The following UQCRC2 variants were observed in gnomAD, a reference collection of about 807,000 sequenced individuals.
UQCRC2 encodes the protein cytochrome b-c1 complex subunit 2, mitochondrial.
A neutral mutation model predicts 55.6 loss-of-function variants in UQCRC2; 49 were observed. That is an observed-to-expected ratio of 0.88 (90% CI 0.70 to 1.12). The LOEUF (loss-of-function observed/expected upper bound fraction) is 1.12. Among genes scored for constraint, UQCRC2 ranks in the 50% most tolerant of loss-of-function variants. The probability of loss-of-function intolerance (pLI) is 0.00; values close to 1 mark genes in which losing one functional copy is unlikely to be tolerated. For synonymous variants in UQCRC2, 193 were observed against 192.0 expected (o/e 1.01, Z -0.04); for missense variants, 506 against 547.8 (o/e 0.92, Z 0.76).
chr16:21,968,704 C>T lies in UQCRC2; in HGVS notation c.670+19C>T. 6.3e-7 allele frequency: 1 copy of T among 1,596,492 alleles called. No individual in the cohort carries two copies. Among genetic ancestry groups the T allele is most frequent in the Non-Finnish European group, 8.5e-7 (1 of 1,171,130 alleles). Reference sequence around the variant, plus strand: ...GGACTTGGTAAGTTTAGAGTATTGCCTGCCTGTCAGTTTGCTTCCTTAAGA... The same window carrying T: ...GGACTTGGTAAGTTTAGAGTATTGCTTGCCTGTCAGTTTGCTTCCTTAAGA... On this transcript the variant is annotated intron_variant, in intron 8 of 13. Transcript: ENST00000268379.
intron 7 of UQCRC2, among the ~76,000 whole-genome samples, chr16:21,966,113 A>C (rs1266588034): frequency 6.6e-6 from 1 of 151,500 alleles, no homozygotes; most frequent in Non-Finnish European, 1.5e-5. Context: ...CAGGAGTTCA[A>C]GACCAGCCTG....
At position 21,953,373 on chromosome 16, in the gene UQCRC2, C is replaced by T; in HGVS notation, c.-51C>T. 4 of 1,604,866 alleles carry T rather than the reference C, an allele frequency of 2.5e-6. No homozygotes were observed. The highest frequency in any genetic ancestry group is 3.4e-6 in the Non-Finnish European group (4 of 1,175,790). On this transcript the variant is annotated 5_prime_UTR_variant, in exon 1 of 14. Coordinates refer to ENST00000268379, the MANE Select transcript of UQCRC2 (RefSeq NM_003366.4). ...GGAAACTCCCGGCCTCCGCCACCATCTTGCTTTCCTTTAATCCGGCAGTGA... is the reference window on the plus strand; with the variant it reads ...GGAAACTCCCGGCCTCCGCCACCATTTTGCTTTCCTTTAATCCGGCAGTGA...
Position 21,953,364 on chromosome 16 carries a change from C to T in UQCRC2, c.-60C>T. ...GGAACGCTGGGAAACTCCCGGCCTC[C>T]GCCACCATCTTGCTTTCCTTTAATC... On this transcript the variant is annotated 5_prime_UTR_variant, in exon 1 of 14. Transcript: ENST00000268379. The T allele has an allele frequency of 2.5e-6, 4 of 1,594,566 alleles. No individual in the cohort carries two copies. Among genetic ancestry groups the T allele is most frequent in the Non-Finnish European group, 3.4e-6 (4 of 1,170,326 alleles).
intron 12 of UQCRC2, among the ~76,000 whole-genome samples, chr16:21,979,378 T>G (rs1472386933): frequency 6.6e-6 from 1 of 152,184 alleles, no homozygotes; most frequent in Non-Finnish European, 1.5e-5. Context: ...GGGGATACAT[T>G]CTGAGAAATG....
chr16:21,982,793 C>T (rs777925865), intron 13 of UQCRC2, among the ~76,000 whole-genome samples: 14 of 151,852 alleles, frequency 9.2e-5, no homozygotes, highest in South Asian at 2.1e-4. Context: ...GGCGAAATCC[C>T]GTCTCTACTA....
chr16:21,960,039 A>G (rs1190695701), intron 4 of UQCRC2, among the ~76,000 whole-genome samples: 1 of 152,202 alleles, frequency 6.6e-6, no homozygotes, highest in Non-Finnish European at 1.5e-5. Context: ...AGAATGGTAA[A>G]TGACCTCATC....
In UQCRC2 at chr16:21,971,815, T is replaced by C. The variant is rs2967156; in HGVS notation, c.767-108T>C. The stretch of plus-strand genomic sequence containing the variant: ...GGATGGCATGGGGAAAGCACCGAGC[T>C]GCAGAAAAGACTCGTGGGTTAATAC... On this transcript the variant is annotated intron_variant, in intron 9 of 13. Transcript: ENST00000268379. 1,496,974 of 1,498,788 alleles carry C rather than the reference T, an allele frequency of 1. 747,619 individuals are homozygous for C. Among genetic ancestry groups the C allele is most frequent in the Non-Finnish European group, 1 (1,091,600 of 1,091,890 alleles). 92.8% of individuals were successfully genotyped at this position (1,498,788 alleles called of 1,614,324 possible). A position where few individuals can be genotyped will look rare whatever the true frequency, so the allele number is the denominator to read the frequency against.
intron 1 of UQCRC2, among the ~76,000 whole-genome samples, chr16:21,955,657 G>A (rs1254214119): frequency 5.3e-5 from 8 of 152,142 alleles, no homozygotes; most frequent in Admixed American, 3.9e-4. Flanking sequence ...TTGAGAATCT[G>A]ATGTGGATGA....
At chr16:21,959,070 A>AG (rs1192833126) in intron 4 of UQCRC2, among the ~76,000 whole-genome samples, 1 of 152,196 alleles carries the variant, frequency 6.6e-6, no homozygotes, top group Non-Finnish European at 1.5e-5. Flanking sequence ...TTGCTGGTGG[A>AG]GGGTCTTGCC....
chr16:21,965,662 A>T, intron 7 of UQCRC2, 157 bp downstream of exon 7: 1 of 559,064 alleles, frequency 1.8e-6, no homozygotes, highest in Non-Finnish European at 3.0e-6. Context: ...CTAAAATTTT[A>T]TCTGAACAAT....
At chr16:21,956,399 C>T (rs929593617) in intron 1 of UQCRC2, among the ~76,000 whole-genome samples, 4 of 151,944 alleles carry the variant, frequency 2.6e-5, no homozygotes, top group African/African-American at 9.7e-5. Flanking sequence ...AAAAAATTAG[C>T]CAGGCGTGGC....
rs766767049 is a variant in UQCRC2 at position 21,953,447 on chromosome 16, C to T, written c.24C>T (p.Gly8=). Reference sequence around the variant, plus strand: ...TCATGAAGCTACTAACCAGAGCCGGCTCTTTCTCGGTGAGCTCAGGTGGCG... The same window carrying T: ...TCATGAAGCTACTAACCAGAGCCGGTTCTTTCTCGGTGAGCTCAGGTGGCG... MKLLTRA[G]SFSRFYSLKV... Residue 8 remains glycine, a synonymous_variant, in exon 1 of 14, where the codon GGC becomes GGT. Transcript: ENST00000268379. 9.9e-6 allele frequency: 16 copies of T among 1,613,272 alleles called. No individual in the cohort carries two copies. The highest frequency in any genetic ancestry group is 1.4e-5 in the Non-Finnish European group (16 of 1,179,654).
intron 6 of UQCRC2, among the ~76,000 whole-genome samples, chr16:21,963,798 A>T (rs1272271025): frequency 6.6e-6 from 1 of 151,926 alleles, no homozygotes; most frequent in Non-Finnish European, 1.5e-5. Context: ...TGTTTTGCTT[A>T]CCCCAAATCC....
intron 12 of UQCRC2, among the ~76,000 whole-genome samples, chr16:21,978,601 T>G (rs1898641706): frequency 6.6e-6 from 1 of 152,290 alleles, no homozygotes; most frequent in Admixed American, 6.5e-5. Flanking sequence ...AACCTTACAT[T>G]AAAATAGTTT....
At chr16:21,961,843 T>C (rs544980286) in intron 4 of UQCRC2, among the ~76,000 whole-genome samples, 5 of 151,324 alleles carry the variant, frequency 3.3e-5, no homozygotes, top group African/African-American at 1.2e-4. Flanking sequence ...GTAGAGACCA[T>C]GGTTTCACCC....
chr16:21,970,222 G>A lies in UQCRC2; in HGVS notation c.671-1303G>A, dbSNP rs137961732. 3.5e-3 allele frequency among the ~76,000 whole-genome samples: 539 copies of A among 152,250 alleles called. 4 individuals carry two copies. The highest frequency in any genetic ancestry group is 0.013 in the African/African-American group (523 of 41,544). ...TTATTCATTGATTGGCATTTGGGTT[G>A]TTTCTACCTTTTGGCTGTCGTAAAT... On this transcript the variant is annotated intron_variant, in intron 8 of 13. Transcript: ENST00000268379.
Position 21,976,204 on chromosome 16 carries a change from C to G in UQCRC2, c.1085C>G (p.Ala362Gly), listed in dbSNP as rs1325109630. 1 of 1,614,002 alleles carries G rather than the reference C, an allele frequency of 6.2e-7. No individual in the cohort carries two copies. The highest frequency in any genetic ancestry group is 1.1e-5 in the South Asian group (1 of 91,072). Residue 362 changes from alanine to glycine, a missense_variant, in exon 12 of 14, where the codon GCT becomes GGT. Coordinates refer to ENST00000268379, the MANE Select transcript of UQCRC2 (RefSeq NM_003366.4). ...KAAYNQVKTI[A>G]QGNLSNTDVQ... ...GCCTATAATCAAGTAAAAACAATAG[C>G]TCAAGGAAACCTTTCCAACACAGAT...
intron 1 of UQCRC2, among the ~76,000 whole-genome samples, chr16:21,954,292 A>T (rs1015886706): frequency 6.6e-6 from 1 of 152,184 alleles, no homozygotes; most frequent in Admixed American, 6.5e-5. Context: ...ACAGCAAAGA[A>T]TTATCTAGCC....
At chr16:21,956,758 G>C (rs1437074970) in intron 1 of UQCRC2, among the ~76,000 whole-genome samples, 1 of 152,082 alleles carries the variant, frequency 6.6e-6, no homozygotes, top group Non-Finnish European at 1.5e-5. Context: ...GGGTTAGTAA[G>C]TCCATAATAA....
Sources: allele counts gnomAD v4.1 joint callset (sites outside exome capture counted in the v4.1 genomes callset), GRCh38; gene constraint gnomAD v4.1.1; transcripts MANE v1.5; gene names NCBI Gene and HGNC (gene_info 2026-07-23, HGNC 2026-07-21).